Variants in FAM24B observed in about 807,000 individuals in gnomAD.
FAM24B encodes protein FAM24B.
In FAM24B, 3 loss-of-function variants were observed where a neutral mutation model predicts 2.3. That is an observed-to-expected ratio of 1.29 (90% CI 0.59 to 3.32). FAM24B has a LOEUF of 3.32. Among genes scored for constraint, FAM24B ranks in the 30% most tolerant of loss-of-function variants. The pLI is 0.03. For missense variants in FAM24B, 98 were observed against 117.2 expected, an observed-to-expected ratio of 0.84 and a Z score of 0.76; for synonymous variants, 36 against 46.3, an observed-to-expected ratio of 0.78 and a Z score of 0.90.
intron 2 of FAM24B, 86 bp downstream of exon 2, chr10:122,855,559 T>G (rs763898798): frequency 2.0e-5 from 3 of 152,170 alleles, no homozygotes; most frequent in African/African-American, 4.8e-5. Context: ...CAAGACTGAG[T>G]CTGTCAAATC....
chr10:122,866,599 A>C (rs1253122084), intron 1 of FAM24B, among the ~76,000 whole-genome samples: 1 of 152,182 alleles, frequency 6.6e-6, no homozygotes, highest in East Asian at 1.9e-4. Flanking sequence ...ACAATATTTC[A>C]AACTTTTGCT....
At position 122,849,338 on chromosome 10, in the gene FAM24B, C is replaced by G. The variant is rs548642579; in HGVS notation, c.194G>C (p.Cys65Ser). Residue 65 changes from cysteine to serine, a missense_variant, in exon 4 of 4, where the codon TGT becomes TCT. By Grantham distance (112) the Cys-to-Ser change is moderately radical (BLOSUM62 -1). Coordinates refer to ENST00000368898, the MANE Select transcript of FAM24B (RefSeq NM_152644.3). ...TCCTTCACAGCACTGCAGGGCAGGACAAGACTCCGTGGCAATGGTTTTGGC... is the reference window on the plus strand; with the variant it reads ...TCCTTCACAGCACTGCAGGGCAGGAGAAGACTCCGTGGCAATGGTTTTGGC... The part of the protein sequence containing the change: ...SQAKTIATES[C>S]PALQCCEGYR... 35 of 1,613,614 alleles carry G rather than the reference C, an allele frequency of 2.2e-5. 1 individual carries two copies. In the South Asian group the frequency reaches 3.6e-4, roughly 17 times the overall value.
At chr10:122,859,223 T>C (rs1348410521) in intron 1 of FAM24B, among the ~76,000 whole-genome samples, 1 of 152,202 alleles carries the variant, frequency 6.6e-6, no homozygotes, top group Non-Finnish European at 1.5e-5. Flanking sequence ...CCAAATAGGA[T>C]GACACCAAAC....
intron 1 of FAM24B, among the ~76,000 whole-genome samples, chr10:122,869,974 C>T (rs1261901411): frequency 6.6e-6 from 1 of 151,952 alleles, no homozygotes; most frequent in Non-Finnish European, 1.5e-5. Flanking sequence ...AAAAGCCCTT[C>T]AAAAAAATCA....
chr10:122,864,639 A>C (rs1335867500), intron 1 of FAM24B, among the ~76,000 whole-genome samples: 4 of 152,214 alleles, frequency 2.6e-5, no homozygotes, highest in African/African-American at 9.6e-5. Context: ...ATAGGTCTGG[A>C]CAAATGCACA....
intron 3 of FAM24B, 22 bp downstream of exon 3, chr10:122,850,402 T>C (rs1329704027): frequency 7.5e-6 from 12 of 1,596,072 alleles, no homozygotes; most frequent in Non-Finnish European, 1.0e-5. Flanking sequence ...AGTACGTTGT[T>C]TATTTTGAAC....
intron 1 of FAM24B, among the ~76,000 whole-genome samples, chr10:122,861,459 TGTA>T (rs1410112930): frequency 6.6e-6 from 1 of 152,226 alleles, no homozygotes. Context: ...TTTGCCTCTT[TGTA>T]TACATTTTAG....
intron 1 of FAM24B, among the ~76,000 whole-genome samples, chr10:122,874,143 C>G (rs1847943300): frequency 6.6e-6 from 1 of 152,138 alleles, no homozygotes. Flanking sequence ...ACAGATGGTA[C>G]AATTCAGTTC....
chr10:122,874,287 A>G (rs1359448154), intron 1 of FAM24B, among the ~76,000 whole-genome samples: 2 of 152,152 alleles, frequency 1.3e-5, no homozygotes, highest in Admixed American at 6.5e-5. Flanking sequence ...CACATATTTG[A>G]TGCTCTGTTG....
intron 1 of FAM24B, among the ~76,000 whole-genome samples, chr10:122,857,412 C>T (rs1173353530): frequency 6.6e-6 from 1 of 152,184 alleles, no homozygotes; most frequent in African/African-American, 2.4e-5. Context: ...TGGTCCAAAA[C>T]ATGAAGCCAA....
rs373670112 is a variant in FAM24B, at chr10:122,867,992, C to T, written c.-178+11493G>A. ...AAGGCTTCAGAAGATCAAACTACTC[C>T]GAGCTAAAGGAGGAAGTTCAAACCA... On this transcript the variant is annotated intron_variant, in intron 1 of 3. Transcript: ENST00000368898. Among the ~76,000 whole-genome samples the T allele has an allele frequency of 3.6e-3, 539 of 151,706 alleles. 3 individuals carry two copies. The highest frequency in any genetic ancestry group is 4.6e-3 in the Non-Finnish European group (309 of 67,906).
chr10:122,864,338 T>C (rs772202999), intron 1 of FAM24B, among the ~76,000 whole-genome samples: 26 of 152,192 alleles, frequency 1.7e-4, no homozygotes, highest in Admixed American at 3.3e-4. Flanking sequence ...TTTTTAAAAG[T>C]TCTCCTAAAA....
intron 1 of FAM24B, among the ~76,000 whole-genome samples, chr10:122,877,888 G>T (rs939480049): frequency 6.6e-6 from 1 of 152,110 alleles, no homozygotes; most frequent in Non-Finnish European, 1.5e-5. Flanking sequence ...AACCCCTATT[G>T]CTATCTCTAT....
intron 1 of FAM24B, among the ~76,000 whole-genome samples, chr10:122,870,347 T>C (rs1269091745): frequency 6.6e-6 from 1 of 152,210 alleles, no homozygotes; most frequent in Non-Finnish European, 1.5e-5. Flanking sequence ...AGCCGAATTC[T>C]ACCAGAGGTA....
At chr10:122,860,202 C>G (rs1566254562) in intron 1 of FAM24B, among the ~76,000 whole-genome samples, 2 of 152,178 alleles carry the variant, frequency 1.3e-5, no homozygotes, top group Non-Finnish European at 2.9e-5. Context: ...GTCAGCTTCT[C>G]CCCTATATGC....
At chr10:122,866,154 A>G (rs1306437850) in intron 1 of FAM24B, among the ~76,000 whole-genome samples, 1 of 152,072 alleles carries the variant, frequency 6.6e-6, no homozygotes, top group African/African-American at 2.4e-5. Context: ...TGCCCAGCTC[A>G]GCCTCCCAAA....
intron 1 of FAM24B, among the ~76,000 whole-genome samples, chr10:122,869,633 C>T (rs1365268253): frequency 2.6e-5 from 4 of 152,242 alleles, no homozygotes; most frequent in African/African-American, 9.6e-5. Flanking sequence ...AAGAAACTCA[C>T]TCAAAAGCGC....
At chr10:122,864,381 T>A (rs560598942) in intron 1 of FAM24B, among the ~76,000 whole-genome samples, 1 of 152,340 alleles carries the variant, frequency 6.6e-6, no homozygotes, top group Admixed American at 6.5e-5. Context: ...CATGGGTCAC[T>A]GTTGCATAAT....
At chr10:122,858,298 C>CG (rs1001665850) in intron 1 of FAM24B, among the ~76,000 whole-genome samples, 84 of 151,708 alleles carry the variant, frequency 5.5e-4, no homozygotes, top group African/African-American at 2.0e-3. Flanking sequence ...CAAACTATCG[C>CG]AAGGACAAAA....
Sources: allele counts gnomAD v4.1 joint callset (sites outside exome capture counted in the v4.1 genomes callset), GRCh38; gene constraint gnomAD v4.1.1; transcripts MANE v1.5; gene names NCBI Gene and HGNC (gene_info 2026-07-23, HGNC 2026-07-21).